PHIP: variants seen among roughly 807,000 people sequenced by gnomAD.
PHIP encodes the protein PH-interacting protein.
In PHIP, 54 loss-of-function variants were observed where a neutral mutation model predicts 236.8. That is an observed-to-expected ratio of 0.23 (90% confidence interval 0.18 to 0.29). The LOEUF is 0.29. Among genes scored for constraint, PHIP ranks in the 10% least tolerant of loss-of-function variants. The probability of loss-of-function intolerance (pLI) is 1.00; values close to 1 mark genes in which losing one functional copy is unlikely to be tolerated. For synonymous variants in PHIP, 756 were observed against 718.9 expected (o/e 1.05, Z -0.83); for missense variants, 1,370 against 2,190.8 (o/e 0.63, Z 7.48).
chr6:78,938,080 A>C lies in PHIP; in HGVS notation c.*2613T>G, dbSNP rs969591202. 6.6e-6 allele frequency: 1 copy of C among 151,762 alleles called. No homozygotes were observed. The highest frequency in any genetic ancestry group is 1.5e-5 in the Non-Finnish European group (1 of 67,668). 9.4% of individuals were successfully genotyped at this position (151,762 alleles called of 1,614,324 possible). On this transcript the variant is annotated 3_prime_UTR_variant, in exon 40 of 40. Transcript: ENST00000275034. The stretch of plus-strand genomic sequence containing the variant: ...TTCCCAAGTGGTAAAGAAAACAAAA[A>C]TATGGTGATGACTTAAATTTCTTAA...
rs1469569497 is a variant in PHIP at position 79,077,849 on chromosome 6, C to A, written c.99+6G>T. ...CCGGCCCGGCCCGCGCCGCGCGCCG[C>A]CGTACCTGAGCCGCCTGCTGACAGG... On this transcript the variant is annotated splice_donor_region_variant and intron_variant, in intron 2 of 39. Coordinates refer to ENST00000275034, the MANE Select transcript of PHIP (RefSeq NM_017934.7). 5 of 1,496,828 alleles carry A rather than the reference C, an allele frequency of 3.3e-6. No homozygotes were observed. Among genetic ancestry groups the A allele is most frequent in the Non-Finnish European group, 3.6e-6 (4 of 1,122,738 alleles). The allele number at this position is 1,496,828 out of a possible 1,614,324, so 92.7% of individuals were successfully genotyped here.
intron 39 of PHIP, among the ~76,000 whole-genome samples, chr6:78,943,465 C>T (rs1449007633): frequency 6.6e-6 from 1 of 152,112 alleles, no homozygotes; most frequent in Non-Finnish European, 1.5e-5. Flanking sequence ...ACTATTCAAA[C>T]TCTAAATTCA....
chr6:78,986,559 T>G (rs1239475042), intron 21 of PHIP, among the ~76,000 whole-genome samples: 1 of 152,206 alleles, frequency 6.6e-6, no homozygotes, highest in Non-Finnish European at 1.5e-5. Flanking sequence ...GCACAACTAA[T>G]AAGCAACAAA....
chr6:79,015,268 A>G (rs749469370), intron 14 of PHIP, 52 bp from the exon 15 acceptor site: 18 of 1,411,558 alleles, frequency 1.3e-5, no homozygotes, highest in Non-Finnish European at 1.8e-5. Flanking sequence ...AAAGAAAGAA[A>G]AACAAACATA....
At chr6:78,999,511 CACTT>C (rs1202699320) in intron 17 of PHIP, among the ~76,000 whole-genome samples, 1 of 152,104 alleles carries the variant, frequency 6.6e-6, no homozygotes, top group Non-Finnish European at 1.5e-5. Context: ...TGAACTGTCT[CACTT>C]ACCTTATCTA....
chr6:78,954,627 G>A (rs542044354), intron 35 of PHIP, among the ~76,000 whole-genome samples, 187 bp downstream of exon 35: 1 of 152,126 alleles, frequency 6.6e-6, no homozygotes, highest in African/African-American at 2.4e-5. Flanking sequence ...CTTCATTCAG[G>A]GCTCCTTCCA....
chr6:79,013,538 T>C (rs1582222353), intron 15 of PHIP, among the ~76,000 whole-genome samples: 1 of 151,694 alleles, frequency 6.6e-6, no homozygotes, highest in East Asian at 1.9e-4. Flanking sequence ...TTTAAAAATA[T>C]ACAATATATT....
intron 15 of PHIP, among the ~76,000 whole-genome samples, chr6:79,010,921 T>C (rs1770541076): frequency 6.6e-6 from 1 of 151,872 alleles, no homozygotes; most frequent in African/African-American, 2.4e-5. Context: ...CATAAAACAA[T>C]TTATATTTAG....
chr6:78,997,209 G>A (rs564082148), intron 19 of PHIP, among the ~76,000 whole-genome samples: 10 of 151,882 alleles, frequency 6.6e-5, no homozygotes, highest in South Asian at 6.2e-4. Flanking sequence ...ACCTTAACAC[G>A]TATCATTCTT....
chr6:78,973,744 G>C (rs1582142645), intron 24 of PHIP, among the ~76,000 whole-genome samples: 1 of 151,892 alleles, frequency 6.6e-6, no homozygotes, highest in South Asian at 2.1e-4. Flanking sequence ...TGATAAAACA[G>C]ACTTTAAACC....
At chr6:78,966,539 A>G (rs367701297) in intron 27 of PHIP, among the ~76,000 whole-genome samples, 81 of 152,310 alleles carry the variant, frequency 5.3e-4, no homozygotes, top group African/African-American at 1.8e-3. Flanking sequence ...CTTCATCTCA[A>G]TCACCCTTAA....
At position 78,990,938 on chromosome 6, in the gene PHIP, G is replaced by A; in HGVS notation, c.2249C>T (p.Thr750Ile). 2 of 1,611,712 alleles carry A rather than the reference G, an allele frequency of 1.2e-6. No individual in the cohort carries two copies. Among genetic ancestry groups the A allele is most frequent in the Non-Finnish European group, 1.7e-6 (2 of 1,178,354 alleles). ...RTAKGEEEIK[T>I]YRSEEKRKHL... is the part of the protein sequence containing the mutation. The stretch of plus-strand genomic sequence containing the variant: ...TTTTCTTTTCTCTTCTGACCTGTAA[G>A]TCTTTATTTCTTCTTCTCCCTTTGC... Residue 750 changes from threonine (T) to isoleucine (I), a missense_variant, in exon 20 of 40, where the codon ACT becomes ATT. Physicochemically the swap from Thr to Ile is moderately conservative, Grantham distance 89. Coordinates refer to ENST00000275034, the MANE Select transcript of PHIP (RefSeq NM_017934.7).
At position 78,939,851 on chromosome 6, in the gene PHIP, T is replaced by A. The variant is rs1433589876; in HGVS notation, c.*842A>T. The A allele has an allele frequency of 6.6e-6, 1 of 152,460 alleles. No homozygotes were observed. Among genetic ancestry groups the A allele is most frequent in the East Asian group, 1.9e-4 (1 of 5,202 alleles). The allele number at this position is 152,460 out of a possible 1,614,324, so 9.4% of individuals were successfully genotyped here. A position where few individuals can be genotyped will look rare whatever the true frequency, so the allele number is the denominator to read the frequency against. ...TCTATTAGTACCAAAAAAAGATATATCTCAGCATAACTCTTTAATAACTTG... is the reference window on the plus strand; with the variant it reads ...TCTATTAGTACCAAAAAAAGATATAACTCAGCATAACTCTTTAATAACTTG... On this transcript the variant is annotated 3_prime_UTR_variant, in exon 40 of 40. Coordinates refer to ENST00000275034, the MANE Select transcript of PHIP (RefSeq NM_017934.7).
At chr6:79,041,901 G>C (rs1039159318) in intron 7 of PHIP, among the ~76,000 whole-genome samples, 5 of 152,038 alleles carry the variant, frequency 3.3e-5, no homozygotes, top group African/African-American at 1.2e-4. Flanking sequence ...TGTATGGATA[G>C]AGGAGAAGTA....
At chr6:79,056,588 G>C (rs1773086332) in intron 6 of PHIP, among the ~76,000 whole-genome samples, 1 of 152,088 alleles carries the variant, frequency 6.6e-6, no homozygotes, top group Non-Finnish European at 1.5e-5. Flanking sequence ...TGTGACAAGG[G>C]GGTAGTGGGG....
At chr6:79,029,904 C>T (rs546270560) in intron 7 of PHIP, among the ~76,000 whole-genome samples, 12 of 152,114 alleles carry the variant, frequency 7.9e-5, no homozygotes, top group Non-Finnish European at 1.5e-4. Flanking sequence ...ATAATTTGAA[C>T]GGATACACTC....
chr6:78,966,896 T>C (rs777826763), intron 27 of PHIP, among the ~76,000 whole-genome samples: 1 of 152,234 alleles, frequency 6.6e-6, no homozygotes, highest in Non-Finnish European at 1.5e-5. Context: ...CGTATCTGTA[T>C]AACTTTGAAT....
chr6:78,943,891 C>G (rs1483154123), intron 39 of PHIP, among the ~76,000 whole-genome samples: 1 of 145,298 alleles, frequency 6.9e-6, no homozygotes, highest in Non-Finnish European at 1.5e-5. Flanking sequence ...GAGGCTGAGG[C>G]AGAAGAATTG....
chr6:79,000,975 TC>T lies in PHIP; in HGVS notation c.1879+923del, dbSNP rs549695689. ...ATCTTTATTGCAACTTCATGCTAAA[TC>T]CTTTAAGAAAAATAAGATGCACGTT... On this transcript the variant is annotated intron_variant, in intron 17 of 39. Transcript: ENST00000275034. Among the ~76,000 whole-genome samples, 31 of 152,222 alleles carry T rather than the reference TC, an allele frequency of 2.0e-4. No individual in the cohort carries two copies. The East Asian group carries it at 5.2e-3, about 26-fold the overall frequency.
Sources: allele counts gnomAD v4.1 joint callset (sites outside exome capture counted in the v4.1 genomes callset), GRCh38; gene constraint gnomAD v4.1.1; transcripts MANE v1.5; gene names NCBI Gene and HGNC (gene_info 2026-07-23, HGNC 2026-07-21).